Variants in GRID2 observed in about 807,000 individuals in gnomAD.
The protein encoded by GRID2 is glutamate ionotropic receptor delta type subunit 2.
GRID2 carries 33 observed loss-of-function variants against 114.8 expected under a neutral mutation model. The observed-to-expected ratio is 0.29, with a 90% CI of 0.22 to 0.38. The LOEUF is 0.38. Ranked by LOEUF, GRID2 falls within the 10% of genes least tolerant of loss-of-function variation. GRID2 has a pLI of 1.00. For synonymous variants in GRID2, 505 were observed against 449.9 expected, an observed-to-expected ratio of 1.12 and a Z score of -1.55; for missense variants, 1,184 against 1,257.7, an observed-to-expected ratio of 0.94 and a Z score of 0.89.
chr4:93,617,975 T>TA (rs1741853312), intron 13 of GRID2, among the ~76,000 whole-genome samples: 1 of 150,712 alleles, frequency 6.6e-6, no homozygotes, highest in Non-Finnish European at 1.5e-5. Context: ...ATGGGTTTGA[T>TA]ACTACCCCCC....
intron 2 of GRID2, among the ~76,000 whole-genome samples, chr4:93,076,926 C>A: frequency 6.6e-6 from 1 of 152,098 alleles, no homozygotes; most frequent in East Asian, 1.9e-4. Flanking sequence ...TGCCTAAGAT[C>A]CCATATTTCA....
chr4:92,783,502 T>G lies in GRID2; in HGVS notation c.244+193216T>G, dbSNP rs1373172081. Among the ~76,000 whole-genome samples, 7 of 152,144 alleles carry G rather than the reference T, an allele frequency of 4.6e-5. No homozygotes were observed. The South Asian group carries it at 1.5e-3, about 32-fold the overall frequency. On this transcript the variant is annotated intron_variant, in intron 2 of 15. Coordinates refer to ENST00000282020, the MANE Select transcript of GRID2 (RefSeq NM_001510.4). ...TTTTTATGTGAATTAATTCAAATATTAAGAATATCAAATCATTGTTTTCTT... is the reference window on the plus strand; with the variant it reads ...TTTTTATGTGAATTAATTCAAATATGAAGAATATCAAATCATTGTTTTCTT...
intron 1 of GRID2, among the ~76,000 whole-genome samples, chr4:92,323,886 T>A (rs1726456890): frequency 6.6e-6 from 1 of 152,014 alleles, no homozygotes; most frequent in African/African-American, 2.4e-5. Context: ...TAGGAATTTT[T>A]TGAATACTCT....
intron 14 of GRID2, among the ~76,000 whole-genome samples, chr4:93,660,608 T>C (rs1047654799): frequency 2.6e-5 from 4 of 152,168 alleles, no homozygotes; most frequent in Non-Finnish European, 5.9e-5. Context: ...TTTAAAAATA[T>C]ATTTTAAGAA....
At chr4:93,458,227 A>G (rs920278524) in intron 11 of GRID2, among the ~76,000 whole-genome samples, 2 of 152,204 alleles carry the variant, frequency 1.3e-5, no homozygotes, top group Non-Finnish European at 2.9e-5. Context: ...CTTTCAAAGA[A>G]TCAAATGAAA....
intron 8 of GRID2, among the ~76,000 whole-genome samples, chr4:93,291,813 A>T (rs1479191511): frequency 6.6e-6 from 1 of 152,038 alleles, no homozygotes; most frequent in African/African-American, 2.4e-5. Flanking sequence ...AATTGTATAT[A>T]TTTATTATGT....
chr4:92,578,402 AATG>A (rs1362266903), intron 1 of GRID2, among the ~76,000 whole-genome samples: 2 of 150,876 alleles, frequency 1.3e-5, no homozygotes, highest in African/African-American at 2.4e-5. Flanking sequence ...GTTTACTGAG[AATG>A]ATGATTTCCA....
At chr4:93,197,448 G>T (rs1741610916) in intron 4 of GRID2, among the ~76,000 whole-genome samples, 1 of 151,972 alleles carries the variant, frequency 6.6e-6, no homozygotes, top group Non-Finnish European at 1.5e-5. Context: ...TTATCTACGT[G>T]TGTGTGTGTA....
At chr4:92,991,593 C>T (rs1754909039) in intron 2 of GRID2, among the ~76,000 whole-genome samples, 1 of 152,102 alleles carries the variant, frequency 6.6e-6, no homozygotes, top group African/African-American at 2.4e-5. Flanking sequence ...AAGAATGTTG[C>T]TAAGTATAGG....
rs72672451 is a variant in GRID2, at chr4:93,708,215, A to G, written c.2361-60995A>G. On this transcript the variant is annotated intron_variant, in intron 14 of 15. Transcript: ENST00000282020. ...TCTTATGTCCATTTGGTCATAGTGC[A>G]GACTAGTGTGAAACACTAGTCCAGT... 3.3e-3 allele frequency among the ~76,000 whole-genome samples: 509 copies of G among 152,104 alleles called. 1 individual carries two copies. The highest frequency in any genetic ancestry group is 6.1e-3 in the Non-Finnish European group (415 of 67,852).
At chr4:93,454,013 A>G (rs1722956619) in intron 10 of GRID2, among the ~76,000 whole-genome samples, 1 of 152,080 alleles carries the variant, frequency 6.6e-6, no homozygotes, top group South Asian at 2.1e-4. Flanking sequence ...GGAGTTAAAC[A>G]TCCAGGTTAG....
At chr4:93,551,405 A>G (rs984919402) in intron 13 of GRID2, among the ~76,000 whole-genome samples, 103 of 152,290 alleles carry the variant, frequency 6.8e-4, no homozygotes, top group African/African-American at 2.3e-3. Context: ...GCCTAGTGGG[A>G]CAGTCTGCCC....
chr4:93,111,461 G>C (rs1042758661), intron 4 of GRID2, among the ~76,000 whole-genome samples: 1 of 152,160 alleles, frequency 6.6e-6, no homozygotes, highest in Non-Finnish European at 1.5e-5. Flanking sequence ...GTGATGACTA[G>C]TGTACATTTT....
chr4:92,652,179 C>A (rs7694358), intron 2 of GRID2, among the ~76,000 whole-genome samples: 10 of 151,974 alleles, frequency 6.6e-5, no homozygotes, highest in African/African-American at 2.4e-4. Flanking sequence ...CCTTTTTGTT[C>A]TATTCAGATT....
chr4:92,337,334 G>A (rs1265077819), intron 1 of GRID2, among the ~76,000 whole-genome samples: 2 of 152,070 alleles, frequency 1.3e-5, no homozygotes, highest in South Asian at 2.1e-4. Context: ...ATATTGCGAT[G>A]AGTTCAGGAA....
chr4:93,714,553 A>G (rs892658815), intron 14 of GRID2, among the ~76,000 whole-genome samples: 1 of 151,904 alleles, frequency 6.6e-6, no homozygotes, highest in African/African-American at 2.4e-5. Context: ...TTACACTCCC[A>G]CCAACATTTC....
At chr4:92,686,823 G>A (rs562991107) in intron 2 of GRID2, among the ~76,000 whole-genome samples, 1 of 152,110 alleles carries the variant, frequency 6.6e-6, no homozygotes, top group South Asian at 2.1e-4. Flanking sequence ...AAAGCATTTT[G>A]TATTCAGAAA....
intron 8 of GRID2, among the ~76,000 whole-genome samples, chr4:93,273,681 G>A (rs1311188338): frequency 6.6e-6 from 1 of 152,080 alleles, no homozygotes; most frequent in Non-Finnish European, 1.5e-5. Context: ...AGATCAGAGG[G>A]ATGTGCCCTA....
intron 2 of GRID2, among the ~76,000 whole-genome samples, chr4:92,769,041 T>A (rs1395295411): frequency 6.6e-6 from 1 of 152,224 alleles, no homozygotes; most frequent in African/African-American, 2.4e-5. Context: ...ACATCTCATC[T>A]GAGACAAGGC....
Sources: gnomAD v4.1 joint callset for allele counts (sites outside exome capture counted in the v4.1 genomes callset) on GRCh38, gnomAD v4.1.1 for gene constraint, MANE v1.5 for transcripts, NCBI Gene and HGNC (gene_info 2026-07-23, HGNC 2026-07-21) for gene names.